Variants in STAU1 observed in about 807,000 individuals in gnomAD.
STAU1 encodes the protein double-stranded RNA-binding protein Staufen homolog 1.
Under a neutral mutation model 62.9 loss-of-function variants are expected in STAU1, and 13 were observed. The observed-to-expected ratio is 0.21, with a 90% CI of 0.13 to 0.33. The LOEUF is 0.33. Ranked by LOEUF, STAU1 falls within the 10% of genes least tolerant of loss-of-function variation. The pLI is 1.00. For synonymous variants in STAU1, 269 were observed against 265.1 expected (o/e 1.01, Z -0.14); for missense variants, 571 against 712.1 (o/e 0.80, Z 2.25).
intron 3 of STAU1, among the ~76,000 whole-genome samples, chr20:49,164,117 C>T (rs559061728): frequency 2.2e-4 from 33 of 152,120 alleles, no homozygotes; most frequent in African/African-American, 7.2e-4. Context: ...GTAATCCCAG[C>T]TACTCGGGAG....
At chr20:49,155,013 G>C (rs1285526166) in intron 3 of STAU1, among the ~76,000 whole-genome samples, 1 of 152,140 alleles carries the variant, frequency 6.6e-6, no homozygotes. Flanking sequence ...CTGAACCCAG[G>C]AAGCAGAGGT....
chr20:49,157,547 T>G (rs945114155), intron 3 of STAU1, among the ~76,000 whole-genome samples: 1 of 151,838 alleles, frequency 6.6e-6, no homozygotes. Flanking sequence ...TGGCATGATC[T>G]CAGCTCACTG....
the STAU1 span, among the ~76,000 whole-genome samples, chr20:49,218,382 G>A: frequency 1.3e-5 from 2 of 151,542 alleles, no homozygotes; most frequent in African/African-American, 2.4e-5. Flanking sequence ...CCGCCACCAC[G>A]CCCGGCTAAT....
At chr20:49,161,631 C>T (rs2093449636) in intron 3 of STAU1, among the ~76,000 whole-genome samples, 1 of 152,196 alleles carries the variant, frequency 6.6e-6, no homozygotes, top group Non-Finnish European at 1.5e-5. Flanking sequence ...AACAAACTAA[C>T]TCATTCACAA....
Position 49,135,941 on chromosome 20 carries a change from T to A in STAU1, c.511-10A>T. On this transcript the variant is annotated splice_polypyrimidine_tract_variant and intron_variant, in intron 5 of 13. Transcript: ENST00000371856. ...ATTCTCTTCCATTCACCTGTAAGAA[T>A]AATTGTTTAGTAGTTAGCTCTTATT... 6.2e-7 allele frequency: 1 copy of A among 1,605,334 alleles called. No individual in the cohort carries two copies. The highest frequency in any genetic ancestry group is 8.5e-7 in the Non-Finnish European group (1 of 1,173,300).
chr20:49,189,704 CTG>C (rs1043622076), upstream of STAU1, among the ~76,000 whole-genome samples: 5 of 150,284 alleles, frequency 3.3e-5, no homozygotes, highest in African/African-American at 4.9e-5. Context: ...GTCCAAGAAA[CTG>C]AGAATGAATG....
chr20:49,180,410 A>ACCTC (rs1024213565), intron 1 of STAU1, among the ~76,000 whole-genome samples: 2 of 147,856 alleles, frequency 1.4e-5, no homozygotes, highest in African/African-American at 5.0e-5. Context: ...TGCAAACTCC[A>ACCTC]CCTCCCGGGT....
chr20:49,159,629 C>T (rs1344375311), intron 3 of STAU1, among the ~76,000 whole-genome samples: 1 of 152,202 alleles, frequency 6.6e-6, no homozygotes. Context: ...GGTGCCATCT[C>T]AGCTCATCAC....
chr20:49,118,193 G>C, intron 10 of STAU1, 97 bp from the exon 11 acceptor site: 1 of 1,385,574 alleles, frequency 7.2e-7, no homozygotes, highest in Non-Finnish European at 1.0e-6. Flanking sequence ...CCCTTGGCAC[G>C]CATGGCAGCG....
At chr20:49,183,932 CTTT>C (rs543110400) in intron 1 of STAU1, among the ~76,000 whole-genome samples, 1 of 142,760 alleles carries the variant, frequency 7.0e-6, no homozygotes, top group Admixed American at 7.1e-5. Flanking sequence ...GTATACATGC[CTTT>C]TTTTTTTTTT....
Position 49,165,921 on chromosome 20 carries a change from A to T in STAU1, c.205+76T>A. The stretch of plus-strand genomic sequence containing the variant: ...TGAAGGTAAATGTGAGAGCTCCCTA[A>T]ATCTGCAACCTATCAGATCAGAAAA... On this transcript the variant is annotated intron_variant, in intron 3 of 13. Coordinates refer to ENST00000371856, the MANE Select transcript of STAU1 (RefSeq NM_017453.4). The T allele has an allele frequency of 2.0e-6, 3 of 1,492,000 alleles. No homozygotes were observed. The South Asian group carries it at 3.5e-5, about 17-fold the overall frequency. 92.4% of individuals were successfully genotyped at this position (1,492,000 alleles called of 1,614,324 possible). A position where few individuals can be genotyped will look rare whatever the true frequency, so the allele number is the denominator to read the frequency against.
intron 1 of STAU1, among the ~76,000 whole-genome samples, chr20:49,184,332 G>C (rs143447705): frequency 6.6e-6 from 1 of 152,138 alleles, no homozygotes; most frequent in Non-Finnish European, 1.5e-5. Flanking sequence ...GGTTGGGGTG[G>C]CTGGAGCCTA....
At chr20:49,184,721 T>A (rs933157008) in intron 1 of STAU1, among the ~76,000 whole-genome samples, 5 of 152,192 alleles carry the variant, frequency 3.3e-5, no homozygotes, top group African/African-American at 1.2e-4. Flanking sequence ...TACACATTTT[T>A]AAAAATGTGT....
Position 49,120,031 on chromosome 20 carries a change from T to C in STAU1, c.1064A>G (p.Lys355Arg). Reference sequence around the variant, plus strand: ...TTTGGTGGGCTGCGCCTGCGGGACTTTGAAACCAAGGATCTCCAGCATGTT... The same window carrying C: ...TTTGGTGGGCTGCGCCTGCGGGACTCTGAAACCAAGGATCTCCAGCATGTT... The part of the protein sequence containing the change: ...AENMLEILGF[K>R]VPQAQPTKPA... The change falls in exon 9 of 14, where the codon AAA becomes AGA. Residue 355 changes from lysine to arginine, a missense_variant. Transcript: ENST00000371856. The C allele has an allele frequency of 6.2e-7, 1 of 1,614,200 alleles. No homozygotes were observed. The highest frequency in any genetic ancestry group is 1.1e-5 in the South Asian group (1 of 91,082).
At chr20:49,189,360 C>T (rs2146669067), upstream of STAU1, among the ~76,000 whole-genome samples, 1 of 151,390 alleles carries the variant, frequency 6.6e-6, no homozygotes, top group East Asian at 1.9e-4. Context: ...CTTGGCCAGG[C>T]GCAGTGGCTC....
intron 7 of STAU1, among the ~76,000 whole-genome samples, chr20:49,123,471 G>A (rs1051976763): frequency 2.6e-5 from 4 of 152,090 alleles, no homozygotes; most frequent in African/African-American, 4.8e-5. Flanking sequence ...ATAACGAAGC[G>A]TCACTATGAC....
chr20:49,189,330 G>C (rs1440882911), upstream of STAU1, among the ~76,000 whole-genome samples: 1 of 150,498 alleles, frequency 6.6e-6, no homozygotes, highest in African/African-American at 2.4e-5. Flanking sequence ...AGGTTGGAGA[G>C]AGGGTGGCCA....
At chr20:49,174,680 G>A (rs1415502200) in intron 1 of STAU1, among the ~76,000 whole-genome samples, 2 of 152,236 alleles carry the variant, frequency 1.3e-5, no homozygotes, top group African/African-American at 2.4e-5. Context: ...GCGCACGCCT[G>A]TAATCCCAGC....
At chr20:49,209,653 G>C in the STAU1 span, among the ~76,000 whole-genome samples, 4 of 152,090 alleles carry the variant, frequency 2.6e-5, no homozygotes, top group African/African-American at 9.7e-5. Flanking sequence ...TGAGGCAGGA[G>C]AATCACTTGA....
Sources: allele counts gnomAD v4.1 joint callset (sites outside exome capture counted in the v4.1 genomes callset), GRCh38; gene constraint gnomAD v4.1.1; transcripts MANE v1.5; gene names NCBI Gene and HGNC (gene_info 2026-07-23, HGNC 2026-07-21).